Variants in ELK4 observed in about 807,000 individuals in gnomAD.
ELK4 encodes the protein ETS transcription factor ELK4.
Under a neutral mutation model 29.6 loss-of-function variants are expected in ELK4, and 16 were observed. The ratio of observed to expected loss-of-function variants is 0.54; its 90% CI spans 0.37 to 0.82. ELK4 has a LOEUF of 0.82. Among genes scored for constraint, ELK4 ranks in the 40% least tolerant of loss-of-function variants. ELK4 has a pLI of 0.00. For synonymous variants in ELK4, 213 were observed against 191.1 expected, an observed-to-expected ratio of 1.11 and a Z score of -0.95; for missense variants, 465 against 507.1, an observed-to-expected ratio of 0.92 and a Z score of 0.80.
At chr1:205,621,193 T>TAAAAAAAAAAAAAAAAAAAAAA in intron 2 of ELK4, among the ~76,000 whole-genome samples, 1 of 77,452 alleles carries the variant, frequency 1.3e-5, no homozygotes, top group South Asian at 4.6e-4. Context: ...GAGTCTGTCT[T>TAAAAAAAAAAAAAAAAAAAAAA]AAAAAAAAAA....
intron 1 of ELK4, among the ~76,000 whole-genome samples, chr1:205,630,650 A>G (rs1265126416): frequency 6.6e-6 from 1 of 152,242 alleles, no homozygotes; most frequent in Non-Finnish European, 1.5e-5. Flanking sequence ...TTCTTACAAT[A>G]TTCTTACAAT....
At position 205,608,780 on chromosome 1, in the gene ELK4, A is replaced by C. The variant is rs1670110382; in HGVS notation, c.*7766T>G. On this transcript the variant is annotated 3_prime_UTR_variant, in exon 5 of 5. Transcript: ENST00000357992. The stretch of plus-strand genomic sequence containing the variant: ...AGATTTCAATAAAACAAGGGAAAAA[A>C]TAAGCAATGAAGTAACTGTCTTCTC... 5.1e-6 allele frequency: 1 copy of C among 194,630 alleles called. No homozygotes were observed. Among genetic ancestry groups the C allele is most frequent in the Non-Finnish European group, 1.1e-5 (1 of 93,516 alleles). The allele number at this position is 194,630 out of a possible 1,614,324, so 12.1% of individuals were successfully genotyped here. A position where few individuals can be genotyped will look rare whatever the true frequency, so the allele number is the denominator to read the frequency against.
rs67904643 is a variant in ELK4, at chr1:205,615,390, CAAAA to C, written c.*1152_*1155del. The C allele has an allele frequency of 9.4e-5, 5 of 53,198 alleles. No homozygotes were observed. Among genetic ancestry groups the C allele is most frequent in the East Asian group, 5.6e-4 (1 of 1,778 alleles). 3.3% of individuals were successfully genotyped at this position (53,198 alleles called of 1,614,324 possible). ...TGGGTGATAGAGCAAGACTCTGTCT[CAAAA>C]AAAAAAAAAAAAAAAAAAAAAGGAA... On this transcript the variant is annotated 3_prime_UTR_variant, in exon 5 of 5. Transcript: ENST00000357992.
chr1:205,619,348 TA>T, intron 3 of ELK4: 3 of 1,071,162 alleles, frequency 2.8e-6, no homozygotes, highest in Non-Finnish European at 3.4e-6. Context: ...TCTTTGGTGG[TA>T]AATTCTGAGA....
chr1:205,626,837 A>C (rs980440901), intron 1 of ELK4, among the ~76,000 whole-genome samples: 3 of 152,236 alleles, frequency 2.0e-5, no homozygotes, highest in Admixed American at 6.5e-5. Flanking sequence ...CATCCATACA[A>C]AAACTTACAC....
intron 1 of ELK4, chr1:205,626,298 C>T: frequency 2.6e-6 from 1 of 379,434 alleles, no homozygotes; most frequent in Non-Finnish European, 5.1e-6. Context: ...TCCAGCCTCT[C>T]TTAGGAGGGG....
In ELK4 at chr1:205,625,568, G is replaced by A. The variant is rs910136837; in HGVS notation, c.-9-1677C>T. On this transcript the variant is annotated intron_variant, in intron 1 of 4. Transcript: ENST00000357992. ...AGACTGGAAAGAAATACCCGGACCG[G>A]GTGCCGGTGATAGTAGAAAAGGCTC... 1.6e-5 allele frequency: 15 copies of A among 919,014 alleles called. No individual in the cohort carries two copies. The African/African-American group carries it at 1.8e-4, about 11-fold the overall frequency. The allele number at this position is 919,014 out of a possible 1,614,324, so 56.9% of individuals were successfully genotyped here.
Position 205,621,211 on chromosome 1 carries a change from A to AG in ELK4, c.208-374_208-373insC, listed in dbSNP as rs1670340740. ...TCTGTCTTAAAAAAAAAAAAAAAAA[A>AG]AAAAAAAAGAAAAAGCTGGTAATGA... On this transcript the variant is annotated intron_variant, in intron 2 of 4. Transcript: ENST00000357992. Among the ~76,000 whole-genome samples, 6 of 151,052 alleles carry AG rather than the reference A, an allele frequency of 4.0e-5. No homozygotes were observed. In the South Asian group the frequency reaches 1.3e-3, roughly 32 times the overall value.
intron 4 of ELK4, among the ~76,000 whole-genome samples, chr1:205,617,221 CT>C (rs1051141702): frequency 3.9e-5 from 6 of 152,142 alleles, no homozygotes; most frequent in South Asian, 2.1e-4. Flanking sequence ...AAATTCTCAA[CT>C]TTTTTTTCTA....
Position 205,614,661 on chromosome 1 carries a change from T to C in ELK4, c.*1885A>G, listed in dbSNP as rs1670203301. 1 of 225,514 alleles carries C rather than the reference T, an allele frequency of 4.4e-6. No individual in the cohort carries two copies. The highest frequency in any genetic ancestry group is 8.8e-6 in the Non-Finnish European group (1 of 113,286). The allele number at this position is 225,514 out of a possible 1,614,324, so 14.0% of individuals were successfully genotyped here. A position where few individuals can be genotyped will look rare whatever the true frequency, so the allele number is the denominator to read the frequency against. ...TCTACTACTACTAAGTTAGCTAGCA[T>C]AGATGTCTTCTTATACAAGAGCTTC... is the stretch of plus-strand genomic sequence containing the variant. On this transcript the variant is annotated 3_prime_UTR_variant, in exon 5 of 5. Coordinates refer to ENST00000357992, the MANE Select transcript of ELK4 (RefSeq NM_001973.4).
In ELK4 at chr1:205,620,476, T is replaced by C. The variant is rs1291597073; in HGVS notation, c.570A>G (p.Lys190=). ...GCTTTTTGGAAGGTGTCGTGACAAATTTGATGACAGATGGTGTGGGCTCCT... is the reference window on the plus strand; with the variant it reads ...GCTTTTTGGAAGGTGTCGTGACAAACTTGATGACAGATGGTGTGGGCTCCT... The part of the protein sequence containing the change: ...SPQEPTPSVI[K]FVTTPSKKPP... Residue 190 remains lysine, a synonymous_variant, in exon 3 of 5, where the codon AAA becomes AAG. Coordinates refer to ENST00000357992, the MANE Select transcript of ELK4 (RefSeq NM_001973.4). 1 of 1,614,056 alleles carries C rather than the reference T, an allele frequency of 6.2e-7. No homozygotes were observed. Among genetic ancestry groups the C allele is most frequent in the Non-Finnish European group, 8.5e-7 (1 of 1,180,036 alleles).
Position 205,616,278 on chromosome 1 carries a change from G to T in ELK4, c.*268C>A. On this transcript the variant is annotated 3_prime_UTR_variant, in exon 5 of 5. Coordinates refer to ENST00000357992, the MANE Select transcript of ELK4 (RefSeq NM_001973.4). Reference sequence around the variant, plus strand: ...CAAAGCTCAAAATATTTTTAAAGGAGAAAAGAAAAGGAAGGAAGGAAAGAA... The same window carrying T: ...CAAAGCTCAAAATATTTTTAAAGGATAAAAGAAAAGGAAGGAAGGAAAGAA... 1 of 344,280 alleles carries T rather than the reference G, an allele frequency of 2.9e-6. No individual in the cohort carries two copies. The highest frequency in any genetic ancestry group is 5.4e-6 in the Non-Finnish European group (1 of 184,576). The allele number at this position is 344,280 out of a possible 1,614,324, so 21.3% of individuals were successfully genotyped here.
At chr1:205,625,497 C>A in intron 1 of ELK4, 1 of 715,958 alleles carries the variant, frequency 1.4e-6, no homozygotes. Context: ...AATTCGTGTA[C>A]AAAGAAGAGC....
In ELK4 at chr1:205,611,433, A is replaced by G. The variant is rs369904737; in HGVS notation, c.*5113T>C. 1 of 209,050 alleles carries G rather than the reference A, an allele frequency of 4.8e-6. No individual in the cohort carries two copies. Among genetic ancestry groups the G allele is most frequent in the East Asian group, 7.2e-5 (1 of 13,842 alleles). The allele number at this position is 209,050 out of a possible 1,614,324, so 12.9% of individuals were successfully genotyped here. A position where few individuals can be genotyped will look rare whatever the true frequency, so the allele number is the denominator to read the frequency against. On this transcript the variant is annotated 3_prime_UTR_variant, in exon 5 of 5. Coordinates refer to ENST00000357992, the MANE Select transcript of ELK4 (RefSeq NM_001973.4). ...CTTCAGTAAGCAGAGTTCTGATGAC[A>G]TAAGAGGAATAACAGGGCACTTTGT...
rs140554030 is a variant in ELK4 at position 205,623,093 on chromosome 1, G to A, written c.207+583C>T. Among the ~76,000 whole-genome samples the A allele has an allele frequency of 9.6e-3, 1,447 of 150,594 alleles. 22 individuals carry two copies. Among genetic ancestry groups the A allele is most frequent in the African/African-American group, 0.034 (1,374 of 40,994 alleles). ...GAATAGCTTGAACCCTGGAGGCAGA[G>A]GTTGCAGTAAGCCAAGATCGCACCA... On this transcript the variant is annotated intron_variant, in intron 2 of 4. Transcript: ENST00000357992.
At chr1:205,618,282 C>A (rs1670269943) in intron 4 of ELK4, among the ~76,000 whole-genome samples, 2 of 152,082 alleles carry the variant, frequency 1.3e-5, no homozygotes, top group Non-Finnish European at 2.9e-5. Context: ...CTTCCTGCCT[C>A]GGCCTACCAA....
intron 4 of ELK4, among the ~76,000 whole-genome samples, chr1:205,617,386 G>A (rs558153782): frequency 4.6e-4 from 70 of 152,186 alleles, no homozygotes; most frequent in African/African-American, 1.7e-3. Flanking sequence ...TAAATGAATT[G>A]ACTCCAAGAA....
Position 205,620,484 on chromosome 1 carries a change from C to T in ELK4, c.562G>A (p.Val188Ile). ...GAAGGTGTCGTGACAAATTTGATGACAGATGGTGTGGGCTCCTGAGGAGAT... is the reference window on the plus strand; with the variant it reads ...GAAGGTGTCGTGACAAATTTGATGATAGATGGTGTGGGCTCCTGAGGAGAT... The part of the protein sequence containing the change: ...KKSPQEPTPS[V>I]IKFVTTPSKK... The change falls in exon 3 of 5, where the codon GTC (valine) becomes ATC (isoleucine). Residue 188 changes from valine to isoleucine, a missense_variant. Physicochemically the swap from Val to Ile is conservative, Grantham distance 29. This residue lies in a region of ELK4 where 385 missense variants were observed against 387.5 expected (regional missense o/e 0.99). Coordinates refer to ENST00000357992, the MANE Select transcript of ELK4 (RefSeq NM_001973.4). 1 of 1,614,150 alleles carries T rather than the reference C, an allele frequency of 6.2e-7. No homozygotes were observed. The highest frequency in any genetic ancestry group is 8.5e-7 in the Non-Finnish European group (1 of 1,180,022).
rs766315689 is a variant in ELK4, at chr1:205,620,207, G to A, written c.839C>T (p.Thr280Ile). ...CTGAGAAGCCACTGAATCAATGTCT[G>A]TGTCGATGTCTGGGTGAGAACTCAG... ...PPLSSHPDID[T>I]DIDSVASQPM... Residue 280 changes from threonine to isoleucine, a missense_variant, in exon 3 of 5, where the codon ACA becomes ATA. By Grantham distance (89) the Thr-to-Ile change is moderately conservative. Around this residue, in one of 2 missense-constraint regions of ELK4, gnomAD observed 385 missense variants for 387.5 expected, o/e 0.99. Coordinates refer to ENST00000357992, the MANE Select transcript of ELK4 (RefSeq NM_001973.4). 1 of 1,614,218 alleles carries A rather than the reference G, an allele frequency of 6.2e-7. No homozygotes were observed. The highest frequency in any genetic ancestry group is 1.1e-5 in the South Asian group (1 of 91,086).
Sources: gnomAD v4.1 joint callset for allele counts (sites outside exome capture counted in the v4.1 genomes callset) on GRCh38, gnomAD v4.1.1 for gene constraint, gnomAD v4.1.1 regional missense constraint, MANE v1.5 for transcripts, NCBI Gene and HGNC (gene_info 2026-07-23, HGNC 2026-07-21) for gene names.